The following FSIP1 variants were observed in gnomAD, a reference collection of about 807,000 sequenced individuals.
The protein encoded by FSIP1 is fibrous sheath-interacting protein 1.
Under a neutral mutation model 60.9 loss-of-function variants are expected in FSIP1, and 65 were observed. That is an observed-to-expected ratio of 1.07 (90% CI 0.87 to 1.31). The LOEUF (loss-of-function observed/expected upper bound fraction) is 1.31. Among genes scored for constraint, FSIP1 ranks in the 40% most tolerant of loss-of-function variants. The pLI is 0.00. For synonymous variants in FSIP1, 209 were observed against 221.2 expected (o/e 0.94, Z 0.49); for missense variants, 675 against 665.5 (o/e 1.01, Z -0.16).
intron 5 of FSIP1, among the ~76,000 whole-genome samples, chr15:39,755,089 G>T (rs1246797977): frequency 4.6e-5 from 7 of 151,968 alleles, no homozygotes; most frequent in Non-Finnish European, 1.0e-4. Context: ...GAGGAAAAAG[G>T]CTTATTTGTA....
At chr15:39,766,426 T>G (rs1897690898) in intron 3 of FSIP1, among the ~76,000 whole-genome samples, 1 of 152,246 alleles carries the variant, frequency 6.6e-6, no homozygotes, top group East Asian at 1.9e-4. Flanking sequence ...AGGCACAGTT[T>G]TAAGTGCTTT....
intron 8 of FSIP1, among the ~76,000 whole-genome samples, chr15:39,728,705 A>G (rs1312440051): frequency 1.3e-5 from 2 of 152,252 alleles, no homozygotes; most frequent in Non-Finnish European, 2.9e-5. Flanking sequence ...AGTCCCTGTC[A>G]AGGATTTCAT....
At chr15:39,715,161 C>G (rs780702668) in intron 9 of FSIP1, among the ~76,000 whole-genome samples, 15 of 151,902 alleles carry the variant, frequency 9.9e-5, no homozygotes, top group Non-Finnish European at 2.1e-4. Context: ...TGCTTTAGGC[C>G]CTGCCAATCT....
intron 1 of FSIP1, among the ~76,000 whole-genome samples, chr15:39,781,722 A>T (rs553051634): frequency 1.1e-4 from 17 of 152,368 alleles, no homozygotes; most frequent in Non-Finnish European, 2.1e-4. Context: ...TCAAAAGGCC[A>T]CAGGGTGTTT....
chr15:39,736,217 A>G (rs1489183538), intron 8 of FSIP1, among the ~76,000 whole-genome samples: 1 of 152,210 alleles, frequency 6.6e-6, no homozygotes, highest in Non-Finnish European at 1.5e-5. Context: ...CGAAGCTGAA[A>G]TATCTCAGAA....
intron 10 of FSIP1, among the ~76,000 whole-genome samples, chr15:39,688,222 G>A (rs999558340): frequency 6.6e-6 from 1 of 152,158 alleles, no homozygotes; most frequent in Non-Finnish European, 1.5e-5. Context: ...GAATACAGAT[G>A]CTCCTCAACT....
chr15:39,635,172 A>G (rs1168265853), intron 10 of FSIP1, among the ~76,000 whole-genome samples: 2 of 152,100 alleles, frequency 1.3e-5, no homozygotes, highest in Non-Finnish European at 2.9e-5. Context: ...CCTCTCTACT[A>G]AAAATACAAA....
intron 2 of FSIP1, among the ~76,000 whole-genome samples, chr15:39,770,992 G>C (rs1230841114): frequency 6.6e-6 from 1 of 152,236 alleles, no homozygotes. Flanking sequence ...TGGTTGAAAA[G>C]TGGATAGTCT....
intron 10 of FSIP1, among the ~76,000 whole-genome samples, chr15:39,646,687 CTG>C (rs1452096003): frequency 6.8e-6 from 1 of 147,672 alleles, no homozygotes; most frequent in Non-Finnish European, 1.5e-5. Flanking sequence ...CAGAGTGACA[CTG>C]TGACACACTG....
chr15:39,654,768 C>T (rs1321297528), intron 10 of FSIP1, among the ~76,000 whole-genome samples: 1 of 152,200 alleles, frequency 6.6e-6, no homozygotes, highest in East Asian at 1.9e-4. Context: ...CTCTCATGTG[C>T]TCATGGACTA....
chr15:39,598,644 C>G (rs1405305536), downstream of FSIP1: 2 of 152,162 alleles, frequency 1.3e-5, no homozygotes, highest in African/African-American at 2.4e-5. Context: ...GACTGACCTT[C>G]AAATAATCAG....
chr15:39,606,477 C>T (rs112882683), intron 11 of FSIP1, among the ~76,000 whole-genome samples: 425 of 152,204 alleles, frequency 2.8e-3, no homozygotes, highest in African/African-American at 8.9e-3. Context: ...CATTCAAAAC[C>T]TTCTCTTCTA....
chr15:39,647,508 C>T (rs1398770507), intron 10 of FSIP1, among the ~76,000 whole-genome samples: 1 of 152,152 alleles, frequency 6.6e-6, no homozygotes, highest in Non-Finnish European at 1.5e-5. Context: ...CAGGTATCCA[C>T]CTCTGTCCCT....
chr15:39,643,834 C>T (rs747133111), intron 10 of FSIP1, among the ~76,000 whole-genome samples: 36 of 152,314 alleles, frequency 2.4e-4, no homozygotes, highest in Non-Finnish European at 4.7e-4. Context: ...AAGCAAGGTA[C>T]TCAAATTGAA....
intron 10 of FSIP1, among the ~76,000 whole-genome samples, chr15:39,649,700 C>G (rs948991284): frequency 6.6e-6 from 1 of 152,164 alleles, no homozygotes; most frequent in Non-Finnish European, 1.5e-5. Context: ...TCTACTCTGC[C>G]GTCGTCCTCT....
In FSIP1 at chr15:39,763,860, T is replaced by C; in HGVS notation, c.520A>G (p.Lys174Glu). Residue 174 changes from lysine (K) to glutamate (E), a missense_variant, in exon 5 of 12, where the codon AAA becomes GAA. Coordinates refer to ENST00000350221, the MANE Select transcript of FSIP1 (RefSeq NM_152597.5). The stretch of plus-strand genomic sequence containing the variant: ...GAAACAGCAGTCAAAGATAAAAATT[T>C]TTTTGTATTTTCCATCTCCTCTTTA... ...QSKEEMENTK[K>E]FLSLTAVSEE... 1 of 1,601,330 alleles carries C rather than the reference T, an allele frequency of 6.2e-7. No homozygotes were observed. The highest frequency in any genetic ancestry group is 8.6e-7 in the Non-Finnish European group (1 of 1,168,848).
At chr15:39,672,329 C>A (rs1193595238) in intron 10 of FSIP1, among the ~76,000 whole-genome samples, 1 of 152,198 alleles carries the variant, frequency 6.6e-6, no homozygotes, top group Non-Finnish European at 1.5e-5. Context: ...TTACTGTCGT[C>A]CTCAACATTG....
chr15:39,614,891 G>A (rs961443167), intron 11 of FSIP1, among the ~76,000 whole-genome samples: 2 of 152,116 alleles, frequency 1.3e-5, no homozygotes, highest in Admixed American at 6.5e-5. Flanking sequence ...TGATTTCAAA[G>A]TATAACACAA....
In FSIP1 at chr15:39,738,086, C is replaced by T. The variant is rs762688051; in HGVS notation, c.891+5G>A. On this transcript the variant is annotated splice_donor_5th_base_variant and intron_variant, in intron 8 of 11. Coordinates refer to ENST00000350221, the MANE Select transcript of FSIP1 (RefSeq NM_152597.5). ...GTGTAGTGTTCCCTATCAGAGTTTA[C>T]GTACCTCAGAACTGGAGAGCCCGGA... 9.7e-6 allele frequency: 15 copies of T among 1,553,388 alleles called. No individual in the cohort carries two copies. The highest frequency in any genetic ancestry group is 6.7e-5 in the East Asian group (3 of 44,460).
Sources: gnomAD v4.1 joint callset for allele counts (sites outside exome capture counted in the v4.1 genomes callset) on GRCh38, gnomAD v4.1.1 for gene constraint, MANE v1.5 for transcripts, NCBI Gene and HGNC (gene_info 2026-07-23, HGNC 2026-07-21) for gene names.